CSMD1: variants seen among roughly 807,000 people sequenced by gnomAD.
CSMD1 encodes CUB and sushi domain-containing protein 1.
A neutral mutation model predicts 417.5 loss-of-function variants in CSMD1; 213 were observed. The ratio of observed to expected loss-of-function variants is 0.51; its 90% confidence interval spans 0.46 to 0.57. The LOEUF (loss-of-function observed/expected upper bound fraction) is 0.57. Among genes scored for constraint, CSMD1 ranks in the 20% least tolerant of loss-of-function variants. The pLI is 0.00. For synonymous variants in CSMD1, 2,862 were observed against 1,736.8 expected (o/e 1.65, Z -16.11); for missense variants, 6,923 against 4,529.7 (o/e 1.53, Z -15.17).
chr8:3,969,145 G>A (rs1405075083), intron 5 of CSMD1, among the ~76,000 whole-genome samples: 1 of 152,184 alleles, frequency 6.6e-6, no homozygotes, highest in Non-Finnish European at 1.5e-5. Flanking sequence ...TACTACTCGA[G>A]AGGCTGAGGG....
chr8:3,304,744 T>TAAAAAA (rs1391175834), intron 25 of CSMD1, among the ~76,000 whole-genome samples: 1 of 152,096 alleles, frequency 6.6e-6, no homozygotes, highest in Non-Finnish European at 1.5e-5. Flanking sequence ...TTAATTTTTT[T>TAAAAAA]TATTAAAATG....
At chr8:3,332,219 C>G (rs574003407) in intron 23 of CSMD1, among the ~76,000 whole-genome samples, 1 of 152,350 alleles carries the variant, frequency 6.6e-6, no homozygotes, top group African/African-American at 2.4e-5. Flanking sequence ...AAAACAATGA[C>G]TTTTCCTTAA....
At chr8:3,823,538 T>C (rs895398361) in intron 5 of CSMD1, among the ~76,000 whole-genome samples, 1 of 152,160 alleles carries the variant, frequency 6.6e-6, no homozygotes, top group Non-Finnish European at 1.5e-5. Flanking sequence ...AAATAAAGTA[T>C]AACTTAATAA....
At chr8:4,439,602 A>G (rs1427782023) in intron 2 of CSMD1, among the ~76,000 whole-genome samples, 1 of 152,196 alleles carries the variant, frequency 6.6e-6, no homozygotes, top group African/African-American at 2.4e-5. Flanking sequence ...ACATACTTAC[A>G]TATTTGTTTT....
At chr8:4,418,523 A>G (rs899366323) in intron 3 of CSMD1, among the ~76,000 whole-genome samples, 9 of 152,140 alleles carry the variant, frequency 5.9e-5, no homozygotes, top group Non-Finnish European at 1.3e-4. Flanking sequence ...GGAGGGGAGA[A>G]AAAAATGCCA....
intron 26 of CSMD1, among the ~76,000 whole-genome samples, chr8:3,266,947 C>G (rs1167460541): frequency 6.6e-6 from 1 of 152,122 alleles, no homozygotes; most frequent in Non-Finnish European, 1.5e-5. Context: ...CCAACATAGA[C>G]TAAGGTATAA....
chr8:3,964,511 C>T (rs537518860), intron 5 of CSMD1, among the ~76,000 whole-genome samples: 9 of 152,146 alleles, frequency 5.9e-5, no homozygotes, highest in Non-Finnish European at 1.3e-4. Flanking sequence ...CTGCCATACT[C>T]CAAGCTCTCA....
intron 52 of CSMD1, among the ~76,000 whole-genome samples, chr8:3,003,940 G>C (rs1470403550): frequency 6.6e-6 from 1 of 152,190 alleles, no homozygotes; most frequent in Non-Finnish European, 1.5e-5. Context: ...CATTTGCTAG[G>C]AGGGTGACCA....
chr8:3,858,980 C>T (rs549022037), intron 5 of CSMD1, among the ~76,000 whole-genome samples: 5 of 152,272 alleles, frequency 3.3e-5, no homozygotes, highest in African/African-American at 1.2e-4. Context: ...GACATCAATC[C>T]CTTCTTCTAC....
At chr8:4,467,724 G>C (rs1479910382) in intron 2 of CSMD1, among the ~76,000 whole-genome samples, 1 of 152,058 alleles carries the variant, frequency 6.6e-6, no homozygotes, top group Non-Finnish European at 1.5e-5. Flanking sequence ...AAAATCTCAA[G>C]CCCAATGGTA....
intron 7 of CSMD1, among the ~76,000 whole-genome samples, chr8:3,692,173 T>C (rs1800285754): frequency 6.6e-6 from 1 of 152,202 alleles, no homozygotes; most frequent in African/African-American, 2.4e-5. Flanking sequence ...CCTACAACAT[T>C]GTTTCTCCTG....
chr8:4,077,441 T>C (rs1324764917), intron 3 of CSMD1, among the ~76,000 whole-genome samples: 1 of 151,768 alleles, frequency 6.6e-6, no homozygotes, highest in Non-Finnish European at 1.5e-5. Context: ...TTAATTTGAG[T>C]ATCCTATACA....
At chr8:3,720,202 G>C (rs1277372257) in intron 6 of CSMD1, among the ~76,000 whole-genome samples, 1 of 152,178 alleles carries the variant, frequency 6.6e-6, no homozygotes, top group African/African-American at 2.4e-5. Flanking sequence ...CCCCAAGTAA[G>C]ACGTCCATGG....
intron 5 of CSMD1, among the ~76,000 whole-genome samples, chr8:3,905,049 G>C (rs961772760): frequency 6.6e-6 from 1 of 152,124 alleles, no homozygotes; most frequent in Non-Finnish European, 1.5e-5. Context: ...GATTTTCTCT[G>C]TGGTTCCTTC....
chr8:4,722,723 C>T (rs572500012), intron 1 of CSMD1, among the ~76,000 whole-genome samples: 116 of 152,156 alleles, frequency 7.6e-4, no homozygotes, highest in South Asian at 2.3e-3. Context: ...CTGATTTTTA[C>T]GGAAAGAAAA....
At chr8:3,770,126 G>A (rs1295888539) in intron 5 of CSMD1, among the ~76,000 whole-genome samples, 1 of 152,206 alleles carries the variant, frequency 6.6e-6, no homozygotes, top group East Asian at 1.9e-4. Flanking sequence ...GCTGTCTCCA[G>A]CAGGAGACTA....
At chr8:3,029,621 C>T in intron 50 of CSMD1, 108 bp from the exon 51 acceptor site, 2 of 879,574 alleles carry the variant, frequency 2.3e-6, no homozygotes, top group Non-Finnish European at 3.5e-6. Flanking sequence ...TCTTGTTTGG[C>T]AAAGTTGATG....
chr8:3,173,151 C>T (rs780871347), intron 37 of CSMD1, among the ~76,000 whole-genome samples: 1 of 152,186 alleles, frequency 6.6e-6, no homozygotes, highest in Admixed American at 6.5e-5. Flanking sequence ...TATTTGGCAC[C>T]TGTCCCTTAC....
At chr8:4,916,514 A>G (rs899134935) in intron 1 of CSMD1, among the ~76,000 whole-genome samples, 6 of 152,350 alleles carry the variant, frequency 3.9e-5, no homozygotes, top group African/African-American at 1.2e-4. Flanking sequence ...TGGAAATATG[A>G]AAGCTAAATG....
Sources: gnomAD v4.1 joint callset for allele counts (sites outside exome capture counted in the v4.1 genomes callset) on GRCh38, gnomAD v4.1.1 for gene constraint, MANE v1.5 for transcripts, NCBI Gene and HGNC (gene_info 2026-07-23, HGNC 2026-07-21) for gene names.